The following BAHCC1 variants were observed in gnomAD, a reference collection of about 807,000 sequenced individuals.
The protein encoded by BAHCC1 is BAH domain and coiled-coil containing 1.
Under a neutral mutation model 88.2 loss-of-function variants are expected in BAHCC1, and 43 were observed. That is an observed-to-expected ratio of 0.49 (90% CI 0.38 to 0.63). The LOEUF (loss-of-function observed/expected upper bound fraction) is 0.63. BAHCC1 is among the 20% of genes least tolerant of loss of function. BAHCC1 has a pLI of 0.00. For synonymous variants in BAHCC1, 1,510 were observed against 745.5 expected, an observed-to-expected ratio of 2.03 and a Z score of -16.71; for missense variants, 3,023 against 1,654.8, an observed-to-expected ratio of 1.83 and a Z score of -14.34.
rs1474013114 is a variant in BAHCC1 at position 81,465,508 on chromosome 17, C to CT, written c.*1693dup. Reference sequence around the variant, plus strand: ...GAAACGCATGGGGGGCCACACACTCCTTATATCCTCCCACACTAAGGTTCC... The same window carrying CT: ...GAAACGCATGGGGGGCCACACACTCCTTTATATCCTCCCACACTAAGGTTCC... On this transcript the variant is annotated 3_prime_UTR_variant, in exon 28 of 28. Transcript: ENST00000675386. 2.0e-5 allele frequency: 3 copies of CT among 152,376 alleles called. No individual in the cohort carries two copies. The highest frequency in any genetic ancestry group is 7.2e-5 in the African/African-American group (3 of 41,454). The allele number at this position is 152,376 out of a possible 1,614,324, so 9.4% of individuals were successfully genotyped here. A position where few individuals can be genotyped will look rare whatever the true frequency, so the allele number is the denominator to read the frequency against.
At chr17:81,396,283 A>C (rs1269997200) in intron 1 of BAHCC1, 1 of 149,622 alleles carries the variant, frequency 6.7e-6, no homozygotes, top group Non-Finnish European at 1.5e-5. Context: ...CCAATTCAGA[A>C]TTTTTTTTTT....
chr17:81,420,778 C>T lies in BAHCC1; in HGVS notation c.179-6022C>T, dbSNP rs145594763. Among the ~76,000 whole-genome samples, 695 of 152,266 alleles carry T rather than the reference C, an allele frequency of 4.6e-3. 8 individuals carry two copies. Among genetic ancestry groups the T allele is most frequent in the African/African-American group, 0.015 (639 of 41,550 alleles). ...CAGTCCTCGGTGGCCCCGCTGACAC[C>T]GCATCCCGCTTACTGTCCCTTCCCC... On this transcript the variant is annotated intron_variant, in intron 2 of 27. Transcript: ENST00000675386.
At chr17:81,445,308 G>A (rs1477186926) in intron 9 of BAHCC1, 46 bp from the exon 10 acceptor site, 3 of 742,184 alleles carry the variant, frequency 4.0e-6, no homozygotes. Flanking sequence ...GCCCACTGGG[G>A]TCAGGGGATC....
At chr17:81,408,579 G>A (rs782744488) in intron 2 of BAHCC1, among the ~76,000 whole-genome samples, 2 of 152,118 alleles carry the variant, frequency 1.3e-5, no homozygotes, top group Non-Finnish European at 2.9e-5. Flanking sequence ...TCCTCTCAGA[G>A]CCCCCGTGTG....
At chr17:81,402,884 G>A (rs1311376542) in intron 2 of BAHCC1, 1 of 152,268 alleles carries the variant, frequency 6.6e-6, no homozygotes, top group Non-Finnish European at 1.5e-5. Context: ...AAATGAAAGT[G>A]CTGGGAGCTT....
At chr17:81,419,180 G>A (rs1473090217) in intron 2 of BAHCC1, among the ~76,000 whole-genome samples, 7 of 152,208 alleles carry the variant, frequency 4.6e-5, no homozygotes, top group African/African-American at 1.7e-4. Context: ...TCTAGCCCCT[G>A]CCACAGCAGC....
At position 81,430,392 on chromosome 17, in the gene BAHCC1, A is replaced by G. The variant is rs1356861259; in HGVS notation, c.358+3413A>G. On this transcript the variant is annotated intron_variant, in intron 3 of 27. Coordinates refer to ENST00000675386, the MANE Select transcript of BAHCC1 (RefSeq NM_001377448.1). ...AGCCATGGGGGCGGCAGGCACACAC[A>G]CGCGCTGGCTCTCCGCCTGGCCGGC... Among the ~76,000 whole-genome samples the G allele has an allele frequency of 2.0e-5, 3 of 152,070 alleles. No individual in the cohort carries two copies. In the South Asian group the frequency reaches 6.2e-4, roughly 31 times the overall value.
intron 1 of BAHCC1, chr17:81,396,791 G>A (rs1555644971): frequency 6.6e-6 from 1 of 152,230 alleles, no homozygotes; most frequent in African/African-American, 2.4e-5. Flanking sequence ...TCCCGGGAGG[G>A]AGCCCTGTGC....
chr17:81,424,904 TGGTGATGTGGTTGG>T (rs1473505386), intron 2 of BAHCC1, among the ~76,000 whole-genome samples: 7 of 146,794 alleles, frequency 4.8e-5, no homozygotes, highest in African/African-American at 1.8e-4. Context: ...ATGTGGTTGG[TGGTGATGTGGTTGG>T]TGTGATGTGG....
chr17:81,459,031 C>T (rs375110581), intron 20 of BAHCC1, 23 bp from the exon 21 acceptor site: 1 of 734,938 alleles, frequency 1.4e-6, no homozygotes, highest in Non-Finnish European at 2.5e-6. Flanking sequence ...GCCGTGCCGG[C>T]CGCTGACACC....
chr17:81,427,845 C>T (rs1370454758), intron 3 of BAHCC1, among the ~76,000 whole-genome samples: 1 of 152,226 alleles, frequency 6.6e-6, no homozygotes, highest in Non-Finnish European at 1.5e-5. Flanking sequence ...CGGCGGGCGT[C>T]GTGTTTACAG....
Position 81,461,793 on chromosome 17 carries a change from G to A in BAHCC1, c.7130G>A (p.Arg2377His), listed in dbSNP as rs114216825. ...CTCCTGGCCCAGCCCGAGGCCCTGC[G>A]CTCCAAGGGCAGCGGCCCTCACGCG... ...PTLLAQPEAL[R>H]SKGSGPHAHA... The change falls in exon 26 of 28, where the codon CGC becomes CAC. Residue 2377 changes from arginine (R) to histidine (H), a missense_variant. Arg to His is a conservative substitution (Grantham distance 29). Coordinates refer to ENST00000675386, the MANE Select transcript of BAHCC1 (RefSeq NM_001377448.1). 8.1e-4 allele frequency: 583 copies of A among 715,814 alleles called. 1 individual carries two copies. In the African/African-American group the frequency reaches 8.8e-3, roughly 11 times the overall value. The allele number at this position is 715,814 out of a possible 1,614,324, so 44.3% of individuals were successfully genotyped here.
chr17:81,403,268 C>T lies in BAHCC1; in HGVS notation c.178+3351C>T, dbSNP rs997744954. ...CCCCTCTCCAGGGGCCAGGGCTCCA[C>T]CAAGGCACTATTTCTCATCTTGGTT... is the stretch of plus-strand genomic sequence containing the variant. On this transcript the variant is annotated intron_variant, in intron 2 of 27. Transcript: ENST00000675386. 2.6e-5 allele frequency among the ~76,000 whole-genome samples: 4 copies of T among 152,298 alleles called. No homozygotes were observed. The South Asian group carries it at 8.3e-4, about 32-fold the overall frequency.
intron 3 of BAHCC1, among the ~76,000 whole-genome samples, chr17:81,427,459 C>T (rs888146214): frequency 6.6e-6 from 1 of 152,178 alleles, no homozygotes; most frequent in Admixed American, 6.5e-5. Flanking sequence ...CCTCCCAGGC[C>T]ACCTGCCTCC....
intron 3 of BAHCC1, among the ~76,000 whole-genome samples, chr17:81,436,605 C>T (rs2064340024): frequency 1.4e-5 from 2 of 146,278 alleles, no homozygotes; most frequent in African/African-American, 5.0e-5. Flanking sequence ...CGCCCCAGGT[C>T]GCTCCCACCC....
chr17:81,397,545 C>T (rs1451763713), intron 1 of BAHCC1, among the ~76,000 whole-genome samples: 10 of 152,162 alleles, frequency 6.6e-5, no homozygotes. Context: ...TGACCTCCCT[C>T]CCTTTCCTTC....
At chr17:81,430,219 C>T (rs1019862456) in intron 3 of BAHCC1, among the ~76,000 whole-genome samples, 1 of 152,090 alleles carries the variant, frequency 6.6e-6, no homozygotes, top group African/African-American at 2.4e-5. Flanking sequence ...CCCTCCCCAC[C>T]GCGCCCCCCA....
chr17:81,419,015 C>T (rs1555649238), intron 2 of BAHCC1, among the ~76,000 whole-genome samples: 1 of 151,918 alleles, frequency 6.6e-6, no homozygotes, highest in African/African-American at 2.4e-5. Context: ...GTGCACCCCA[C>T]ATCTCGAGTC....
chr17:81,450,607 G>T (rs77971002), intron 11 of BAHCC1, among the ~76,000 whole-genome samples: 1 of 152,224 alleles, frequency 6.6e-6, no homozygotes, highest in African/African-American at 2.4e-5. Flanking sequence ...GGGCTGGAGC[G>T]TGCTGGAAAG....
Sources: allele counts gnomAD v4.1 joint callset (sites outside exome capture counted in the v4.1 genomes callset), GRCh38; gene constraint gnomAD v4.1.1; transcripts MANE v1.5; gene names NCBI Gene and HGNC (gene_info 2026-07-23, HGNC 2026-07-21).